The following NLGN1 variants were observed in gnomAD, a reference collection of about 807,000 sequenced individuals.
NLGN1 encodes neuroligin 1.
Under a neutral mutation model 65.5 loss-of-function variants are expected in NLGN1, and 12 were observed. The ratio of observed to expected loss-of-function variants is 0.18; its 90% confidence interval spans 0.12 to 0.30. The LOEUF is 0.30. Ranked by LOEUF, NLGN1 falls within the 10% of genes least tolerant of loss-of-function variation. The pLI, the probability that NLGN1 is intolerant of heterozygous loss-of-function variation, is 1.00. For missense variants in NLGN1, 750 were observed against 1,007.1 expected, an observed-to-expected ratio of 0.74 and a Z score of 3.46; for synonymous variants, 350 against 359.5, an observed-to-expected ratio of 0.97 and a Z score of 0.30.
chr3:173,712,139 A>G (rs988853531), intron 3 of NLGN1, among the ~76,000 whole-genome samples: 1 of 152,182 alleles, frequency 6.6e-6, no homozygotes, highest in African/African-American at 2.4e-5. Context: ...TGGGGTATGT[A>G]ATATGTGCTA....
intron 4 of NLGN1, among the ~76,000 whole-genome samples, chr3:174,153,756 G>A (rs547219905): frequency 1.3e-5 from 2 of 152,156 alleles, no homozygotes; most frequent in African/African-American, 4.8e-5. Flanking sequence ...AATTTGGGAG[G>A]CCACAGTGGG....
At chr3:174,055,704 C>T (rs1164777836) in intron 4 of NLGN1, among the ~76,000 whole-genome samples, 2 of 152,004 alleles carry the variant, frequency 1.3e-5, no homozygotes, top group African/African-American at 4.8e-5. Flanking sequence ...GTGGAGTAGA[C>T]ACACAAGCAA....
intron 3 of NLGN1, among the ~76,000 whole-genome samples, chr3:173,772,217 T>G (rs1779686186): frequency 6.6e-6 from 1 of 152,206 alleles, no homozygotes; most frequent in Non-Finnish European, 1.5e-5. Context: ...ATGGTAGGTT[T>G]CTTTTTTTAT....
At chr3:173,411,858 G>A (rs972872761) in intron 1 of NLGN1, among the ~76,000 whole-genome samples, 2 of 152,038 alleles carry the variant, frequency 1.3e-5, no homozygotes, top group African/African-American at 4.8e-5. Context: ...GCACCAGAGG[G>A]AGCCACTTAC....
intron 3 of NLGN1, among the ~76,000 whole-genome samples, chr3:173,624,128 T>C (rs963366564): frequency 6.6e-6 from 1 of 152,128 alleles, no homozygotes; most frequent in Non-Finnish European, 1.5e-5. Flanking sequence ...GTCATTCTGT[T>C]GCCGTGTATT....
intron 4 of NLGN1, among the ~76,000 whole-genome samples, chr3:174,066,306 G>GT (rs977077689): frequency 3.1e-4 from 46 of 148,492 alleles, no homozygotes; most frequent in South Asian, 1.1e-3. Context: ...TTATGGACAG[G>GT]TTTTTTTTTT....
At chr3:173,749,248 A>G (rs959966918) in intron 3 of NLGN1, among the ~76,000 whole-genome samples, 6 of 152,100 alleles carry the variant, frequency 3.9e-5, no homozygotes, top group African/African-American at 1.2e-4. Flanking sequence ...TAAAATAACA[A>G]GATGATTTAT....
intron 4 of NLGN1, among the ~76,000 whole-genome samples, chr3:174,129,169 A>G (rs1216237667): frequency 6.6e-6 from 1 of 152,064 alleles, no homozygotes; most frequent in African/African-American, 2.4e-5. Flanking sequence ...TTTCAGAAAT[A>G]TCAGTCGGCT....
chr3:173,963,769 G>A (rs924522888), intron 4 of NLGN1, among the ~76,000 whole-genome samples: 3 of 152,160 alleles, frequency 2.0e-5, no homozygotes, highest in Non-Finnish European at 2.9e-5. Context: ...TTCAAAAGGT[G>A]TCTAATTGGC....
chr3:173,845,644 A>G (rs544373503), intron 4 of NLGN1, among the ~76,000 whole-genome samples: 1 of 152,200 alleles, frequency 6.6e-6, no homozygotes, highest in Non-Finnish European at 1.5e-5. Flanking sequence ...AGATAGATAG[A>G]TAGATAAATA....
At chr3:173,546,630 T>C (rs1446169310) in intron 2 of NLGN1, among the ~76,000 whole-genome samples, 1 of 152,204 alleles carries the variant, frequency 6.6e-6, no homozygotes, top group Non-Finnish European at 1.5e-5. Flanking sequence ...ATAGTTCTAA[T>C]ATTCCGCTAT....
intron 4 of NLGN1, among the ~76,000 whole-genome samples, chr3:174,064,520 C>T (rs374360093): frequency 2.1e-4 from 32 of 151,114 alleles, no homozygotes; most frequent in East Asian, 1.9e-3. Flanking sequence ...CTCTCTATGC[C>T]TTAGTTTCAA....
intron 2 of NLGN1, among the ~76,000 whole-genome samples, chr3:173,463,969 G>A (rs1386181449): frequency 6.6e-6 from 1 of 151,298 alleles, no homozygotes; most frequent in African/African-American, 2.4e-5. Flanking sequence ...AGCATATTAT[G>A]GTAAATATCC....
intron 4 of NLGN1, among the ~76,000 whole-genome samples, chr3:174,037,309 C>T (rs1460687558): frequency 1.3e-5 from 2 of 152,120 alleles, no homozygotes; most frequent in Non-Finnish European, 2.9e-5. Flanking sequence ...CTATAACTCA[C>T]ATTGTATAGA....
chr3:173,534,765 A>G (rs1396505594), intron 2 of NLGN1, among the ~76,000 whole-genome samples: 1 of 152,220 alleles, frequency 6.6e-6, no homozygotes, highest in East Asian at 1.9e-4. Context: ...CAGGATTCAA[A>G]TCCAAGTTGG....
At chr3:174,221,551 T>A (rs1003934033) in intron 4 of NLGN1, among the ~76,000 whole-genome samples, 2 of 152,078 alleles carry the variant, frequency 1.3e-5, no homozygotes, top group Non-Finnish European at 2.9e-5. Context: ...GAACAATAAG[T>A]TTATTAAAAG....
At chr3:173,770,624 AAG>A (rs1779437172) in intron 3 of NLGN1, among the ~76,000 whole-genome samples, 1 of 152,140 alleles carries the variant, frequency 6.6e-6, no homozygotes, top group Non-Finnish European at 1.5e-5. Context: ...TAATGATAAA[AAG>A]AATAGATTTT....
intron 4 of NLGN1, among the ~76,000 whole-genome samples, chr3:173,867,337 G>A (rs962868346): frequency 3.3e-5 from 5 of 152,212 alleles, no homozygotes; most frequent in Admixed American, 2.0e-4. Context: ...ATTAAATAAA[G>A]AGAAATGTGC....
chr3:173,973,016 C>G, intron 4 of NLGN1, among the ~76,000 whole-genome samples: 1 of 152,046 alleles, frequency 6.6e-6, no homozygotes, highest in East Asian at 1.9e-4. Flanking sequence ...ACAGCACTGC[C>G]GCTTATTGTC....
Sources: allele counts gnomAD v4.1 joint callset (sites outside exome capture counted in the v4.1 genomes callset), GRCh38; gene constraint gnomAD v4.1.1; transcripts MANE v1.5; gene names NCBI Gene and HGNC (gene_info 2026-07-23, HGNC 2026-07-21).